Variants in SOS1 observed in about 807,000 individuals in gnomAD.
SOS1 encodes the protein son of sevenless homolog 1.
SOS1 carries 25 observed loss-of-function variants against 157.6 expected under a neutral mutation model. The observed-to-expected ratio is 0.16, with a 90% CI of 0.12 to 0.22. The LOEUF is 0.22. Ranked by LOEUF, SOS1 falls within the 10% of genes least tolerant of loss-of-function variation. The probability of loss-of-function intolerance (pLI) is 1.00; values close to 1 mark genes in which losing one functional copy is unlikely to be tolerated. For missense variants in SOS1, 1,237 were observed against 1,599.1 expected, an observed-to-expected ratio of 0.77 and a Z score of 3.86; for synonymous variants, 528 against 534.0, an observed-to-expected ratio of 0.99 and a Z score of 0.16.
Position 39,120,397 on chromosome 2 carries a change from T to G in SOS1, c.26A>C (p.Glu9Ala). The G allele has an allele frequency of 6.3e-7, 1 of 1,599,786 alleles. No individual in the cohort carries two copies. Among genetic ancestry groups the G allele is most frequent in the Non-Finnish European group, 8.5e-7 (1 of 1,174,542 alleles). ...GGGCGCGTTCTCTTCGCTGAAAAAC[T>G]CGTAGGGCAGCTGCTGCGCCTGCAT... MQAQQLPY[E>A]FFSEENAPKW... Residue 9 changes from glutamate (E) to alanine (A), a missense_variant, in exon 1 of 23, where the codon GAG becomes GCG. Physicochemically the swap from Glu to Ala is moderately radical, Grantham distance 107. Transcript: ENST00000402219.
intron 8 of SOS1, among the ~76,000 whole-genome samples, chr2:39,031,461 G>C (rs1009150455): frequency 6.6e-6 from 1 of 152,120 alleles, no homozygotes; most frequent in African/African-American, 2.4e-5. Context: ...CAGGTGTGGG[G>C]GCTCGCACCT....
At chr2:39,017,210 C>T (rs1572825537) in intron 10 of SOS1, among the ~76,000 whole-genome samples, 2 of 152,120 alleles carry the variant, frequency 1.3e-5, no homozygotes, top group East Asian at 3.9e-4. Context: ...TGATTTAGTG[C>T]TCTTTTCTAT....
At chr2:39,048,110 G>GT (rs1213296243) in intron 6 of SOS1, among the ~76,000 whole-genome samples, 1 of 152,112 alleles carries the variant, frequency 6.6e-6, no homozygotes, top group African/African-American at 2.4e-5. Context: ...ATGAAGTCCA[G>GT]TTTATCAATT....
intron 1 of SOS1, among the ~76,000 whole-genome samples, chr2:39,097,493 C>G (rs1010908788): frequency 3.0e-4 from 45 of 152,074 alleles, no homozygotes; most frequent in Admixed American, 2.7e-3. Flanking sequence ...ACAAGCTGTC[C>G]AAGTGATTCT....
chr2:39,039,696 C>T (rs149084580), intron 6 of SOS1, among the ~76,000 whole-genome samples: 1 of 152,286 alleles, frequency 6.6e-6, no homozygotes, highest in African/African-American at 2.4e-5. Context: ...TCACTTCACC[C>T]ATTTAATGGG....
At chr2:39,084,862 G>A (rs1383986995) in intron 1 of SOS1, among the ~76,000 whole-genome samples, 1 of 151,992 alleles carries the variant, frequency 6.6e-6, no homozygotes, top group Admixed American at 6.6e-5. Context: ...CACCAATAAA[G>A]CAAGGAACTG....
At chr2:39,038,677 T>A (rs565830881) in intron 6 of SOS1, among the ~76,000 whole-genome samples, 2 of 120,268 alleles carry the variant, frequency 1.7e-5, no homozygotes, top group African/African-American at 6.5e-5. Flanking sequence ...GAGGTTGCAG[T>A]GAGCCGAGAT....
intron 20 of SOS1, chr2:38,993,368 C>G (rs10166630): frequency 0.12 from 17,579 of 152,056 alleles, 1,357 homozygotes; most frequent in South Asian, 0.25. Context: ...GCTGTGTTGC[C>G]CAGGCTGGTC....
intron 1 of SOS1, among the ~76,000 whole-genome samples, chr2:39,080,907 C>T (rs1393129343): frequency 1.3e-5 from 2 of 152,018 alleles, no homozygotes; most frequent in East Asian, 3.8e-4. Flanking sequence ...TTTGTAAGGC[C>T]AGGAACAGTG....
At chr2:39,041,183 G>A (rs1383075300) in intron 6 of SOS1, among the ~76,000 whole-genome samples, 3 of 152,086 alleles carry the variant, frequency 2.0e-5, no homozygotes, top group African/African-American at 2.4e-5. Flanking sequence ...CTCAGCCCCC[G>A]AGTAGCTGAG....
intron 9 of SOS1, 59 bp from the exon 10 acceptor site, chr2:39,023,284 T>A: frequency 2.3e-6 from 3 of 1,282,576 alleles, no homozygotes; most frequent in East Asian, 4.6e-5. Flanking sequence ...AGAGCTCATG[T>A]AAGTAAGGGA....
chr2:39,121,681 G>A (rs543338256), upstream of SOS1, among the ~76,000 whole-genome samples: 2 of 152,268 alleles, frequency 1.3e-5, no homozygotes, highest in South Asian at 4.1e-4. Context: ...CTCTCAGGGC[G>A]TTCAGTCTAT....
intron 15 of SOS1, 95 bp from the exon 16 acceptor site, chr2:39,007,288 G>C: frequency 1.2e-6 from 1 of 822,518 alleles, no homozygotes; most frequent in Non-Finnish European, 2.1e-6. Context: ...GTAGAGAGTA[G>C]GGGGGTGGCG....
intron 8 of SOS1, among the ~76,000 whole-genome samples, chr2:39,031,451 C>A (rs139740404): frequency 6.6e-6 from 1 of 152,216 alleles, no homozygotes; most frequent in East Asian, 1.9e-4. Flanking sequence ...TTGGTCAGGC[C>A]AGGTGTGGGG....
At chr2:39,046,574 G>A (rs1432279045) in intron 6 of SOS1, among the ~76,000 whole-genome samples, 3 of 145,882 alleles carry the variant, frequency 2.1e-5, no homozygotes, top group African/African-American at 8.0e-5. Flanking sequence ...GCGGGATCTC[G>A]GCTCACTGCA....
intron 1 of SOS1, among the ~76,000 whole-genome samples, chr2:39,110,990 T>G (rs1332755009): frequency 6.6e-6 from 1 of 152,116 alleles, no homozygotes; most frequent in Non-Finnish European, 1.5e-5. Context: ...AATCCCACTT[T>G]GGGAGGGCGA....
chr2:39,115,399 TC>T (rs1185123609), intron 1 of SOS1, among the ~76,000 whole-genome samples: 1 of 110,268 alleles, frequency 9.1e-6, no homozygotes, highest in African/African-American at 2.7e-5. Context: ...TCAAATTTGT[TC>T]TCTCTCTTTT....
At chr2:39,049,164 C>T (rs549678266) in intron 6 of SOS1, among the ~76,000 whole-genome samples, 4 of 151,858 alleles carry the variant, frequency 2.6e-5, no homozygotes, top group Non-Finnish European at 5.9e-5. Context: ...GTGATCTGCC[C>T]GCTTCGGCCT....
intron 1 of SOS1, among the ~76,000 whole-genome samples, chr2:39,074,079 G>A (rs374321167): frequency 6.6e-6 from 1 of 151,968 alleles, no homozygotes; most frequent in Admixed American, 6.6e-5. Flanking sequence ...GCTGGGCGCG[G>A]TGGCCTACGC....
Sources: gnomAD v4.1 joint callset for allele counts (sites outside exome capture counted in the v4.1 genomes callset) on GRCh38, gnomAD v4.1.1 for gene constraint, MANE v1.5 for transcripts, NCBI Gene and HGNC (gene_info 2026-07-23, HGNC 2026-07-21) for gene names.